Variants in ANKS1B observed in about 807,000 individuals in gnomAD.
The protein encoded by ANKS1B is ankyrin repeat and sterile alpha motif domain-containing protein 1B.
ANKS1B carries 36 observed loss-of-function variants against 148.3 expected under a neutral mutation model. The observed-to-expected ratio is 0.24, with a 90% confidence interval of 0.19 to 0.32. The LOEUF (loss-of-function observed/expected upper bound fraction) is 0.32. Among genes scored for constraint, ANKS1B ranks in the 10% least tolerant of loss-of-function variants. The pLI is 1.00. For missense variants in ANKS1B, 1,157 were observed against 1,542.6 expected (o/e 0.75, Z 4.19); for synonymous variants, 542 against 560.8 (o/e 0.97, Z 0.47).
At chr12:99,720,346 C>T (rs753311611) in intron 8 of ANKS1B, among the ~76,000 whole-genome samples, 1 of 152,162 alleles carries the variant, frequency 6.6e-6, no homozygotes, top group Non-Finnish European at 1.5e-5. Context: ...GCCTTTCCTA[C>T]GGGGTCTAAG....
intron 9 of ANKS1B, chr12:99,649,142 C>G (rs1216414684): frequency 1.4e-6 from 1 of 690,948 alleles, no homozygotes; most frequent in African/African-American, 1.8e-5. Flanking sequence ...TAGGACGTGT[C>G]TCCCTGCAAT....
chr12:98,860,108 T>C (rs908338355), intron 17 of ANKS1B, among the ~76,000 whole-genome samples: 1 of 152,276 alleles, frequency 6.6e-6, no homozygotes, highest in Non-Finnish European at 1.5e-5. Flanking sequence ...AAACCTGTTC[T>C]GTTAATGTAT....
chr12:99,126,276 T>C (rs1026034031), intron 15 of ANKS1B, among the ~76,000 whole-genome samples: 2 of 152,112 alleles, frequency 1.3e-5, no homozygotes, highest in African/African-American at 2.4e-5. Flanking sequence ...TGCTTTTCAA[T>C]TTTTCCCACT....
intron 12 of ANKS1B, among the ~76,000 whole-genome samples, chr12:99,272,999 C>T (rs552370963): frequency 6.6e-6 from 1 of 152,098 alleles, no homozygotes; most frequent in Non-Finnish European, 1.5e-5. Flanking sequence ...AGTGGTGGGA[C>T]AGGCATAGGA....
chr12:99,443,451 T>C (rs1414061319), intron 11 of ANKS1B, among the ~76,000 whole-genome samples: 1 of 151,994 alleles, frequency 6.6e-6, no homozygotes, highest in Non-Finnish European at 1.5e-5. Flanking sequence ...CACTGCTTCA[T>C]GTAACAGGCA....
chr12:99,960,141 A>T (rs1284119612), intron 1 of ANKS1B, among the ~76,000 whole-genome samples: 2 of 152,232 alleles, frequency 1.3e-5, no homozygotes, highest in Non-Finnish European at 2.9e-5. Context: ...TTTAAGATTC[A>T]TATTTCTGTA....
intron 12 of ANKS1B, among the ~76,000 whole-genome samples, chr12:99,332,289 T>C (rs2152281721): frequency 6.6e-6 from 1 of 152,152 alleles, no homozygotes. Context: ...ATCTACAACA[T>C]ATACGATGTG....
At chr12:99,066,085 G>A (rs1348354694) in intron 16 of ANKS1B, among the ~76,000 whole-genome samples, 1 of 152,094 alleles carries the variant, frequency 6.6e-6, no homozygotes, top group Non-Finnish European at 1.5e-5. Context: ...GGAGGCCGAG[G>A]AGGGCAGATT....
intron 8 of ANKS1B, among the ~76,000 whole-genome samples, chr12:99,741,896 T>G (rs1335915745): frequency 6.6e-6 from 1 of 150,738 alleles, no homozygotes; most frequent in Non-Finnish European, 1.5e-5. Flanking sequence ...ATAATGAAAA[T>G]AAATAAATAA....
At chr12:99,296,045 CTTTT>C (rs908085987) in intron 12 of ANKS1B, among the ~76,000 whole-genome samples, 1 of 151,614 alleles carries the variant, frequency 6.6e-6, no homozygotes, top group Admixed American at 6.6e-5. Flanking sequence ...TGCTTTTATC[CTTTT>C]TTTTGAAAAC....
chr12:98,914,436 C>T (rs2099791269), intron 17 of ANKS1B, among the ~76,000 whole-genome samples: 1 of 152,172 alleles, frequency 6.6e-6, no homozygotes. Context: ...ATGCCATATA[C>T]AAGTCCTCAG....
chr12:99,494,956 C>A (rs537801481), intron 10 of ANKS1B, among the ~76,000 whole-genome samples: 1 of 152,070 alleles, frequency 6.6e-6, no homozygotes, highest in African/African-American at 2.4e-5. Context: ...TAACAAAGTT[C>A]CATCTGGTAA....
chr12:99,628,833 G>T (rs913400764), intron 9 of ANKS1B, among the ~76,000 whole-genome samples: 2 of 152,098 alleles, frequency 1.3e-5, no homozygotes, highest in Non-Finnish European at 2.9e-5. Flanking sequence ...TGCAATAATA[G>T]CATTAATCCA....
intron 17 of ANKS1B, among the ~76,000 whole-genome samples, chr12:98,979,111 T>C (rs187831615): frequency 7.9e-5 from 12 of 151,248 alleles, no homozygotes; most frequent in African/African-American, 2.7e-4. Context: ...CACTGCACTC[T>C]AGCCTGGGCA....
intron 14 of ANKS1B, among the ~76,000 whole-genome samples, chr12:99,211,955 A>G (rs1205187650): frequency 6.6e-6 from 1 of 152,206 alleles, no homozygotes; most frequent in East Asian, 1.9e-4. Flanking sequence ...AAGAAGGCCC[A>G]AGGCAGAATG....
intron 1 of ANKS1B, among the ~76,000 whole-genome samples, chr12:99,920,618 T>A (rs780130800): frequency 6.6e-5 from 10 of 152,220 alleles, no homozygotes; most frequent in Middle Eastern, 6.8e-3. Flanking sequence ...GTCCCTGGCA[T>A]CAAGCAGGGT....
At chr12:98,916,135 T>C (rs918680302) in intron 17 of ANKS1B, among the ~76,000 whole-genome samples, 18 of 152,254 alleles carry the variant, frequency 1.2e-4, no homozygotes, top group African/African-American at 4.3e-4. Context: ...TTGACTCTTC[T>C]ATTATTCAGG....
chr12:99,928,289 T>A (rs2094525612), intron 1 of ANKS1B, among the ~76,000 whole-genome samples: 1 of 149,688 alleles, frequency 6.7e-6, no homozygotes. Flanking sequence ...TTTTTTTTTT[T>A]GAGACGGAGT....
intron 1 of ANKS1B, among the ~76,000 whole-genome samples, chr12:99,841,835 T>C (rs2085798017): frequency 6.6e-6 from 1 of 152,112 alleles, no homozygotes; most frequent in Non-Finnish European, 1.5e-5. Context: ...TCTATCACCA[T>C]TGTAATTCCC....
Sources: gnomAD v4.1 joint callset for allele counts (sites outside exome capture counted in the v4.1 genomes callset) on GRCh38, gnomAD v4.1.1 for gene constraint, MANE v1.5 for transcripts, NCBI Gene and HGNC (gene_info 2026-07-23, HGNC 2026-07-21) for gene names.